The following ATP10D variants were observed in gnomAD, a reference collection of about 807,000 sequenced individuals.
The protein encoded by ATP10D is ATPase phospholipid transporting 10D (putative), also known as phospholipid-transporting ATPase VD.
Under a neutral mutation model 144.8 loss-of-function variants are expected in ATP10D, and 89 were observed. The ratio of observed to expected loss-of-function variants is 0.61; its 90% CI spans 0.52 to 0.73. The LOEUF is 0.73. Among genes scored for constraint, ATP10D ranks in the 30% least tolerant of loss-of-function variants. ATP10D has a pLI of 0.00. For missense variants in ATP10D, 1,603 were observed against 1,714.8 expected (o/e 0.93, Z 1.15); for synonymous variants, 571 against 615.1 (o/e 0.93, Z 1.06).
intron 5 of ATP10D, among the ~76,000 whole-genome samples, chr4:47,531,929 G>T (rs1717588312): frequency 6.6e-6 from 1 of 152,156 alleles, no homozygotes; most frequent in Non-Finnish European, 1.5e-5. Flanking sequence ...ACACTCTGTG[G>T]TCTGGAGCAT....
At chr4:47,506,080 T>C (rs1039835749) in intron 1 of ATP10D, among the ~76,000 whole-genome samples, 1 of 152,190 alleles carries the variant, frequency 6.6e-6, no homozygotes. Flanking sequence ...TAGTATCTTT[T>C]AGATACATTC....
intron 12 of ATP10D, 123 bp from the exon 13 acceptor site, chr4:47,558,800 A>T: frequency 1.3e-6 from 1 of 748,444 alleles, no homozygotes; most frequent in Non-Finnish European, 2.2e-6. Context: ...CCCATTTGGG[A>T]TTCAAAACCA....
chr4:47,522,848 C>T (rs562124918), intron 3 of ATP10D, among the ~76,000 whole-genome samples, 164 bp from the exon 4 acceptor site: 5 of 152,162 alleles, frequency 3.3e-5, no homozygotes, highest in South Asian at 2.1e-4. Context: ...GGATTACAGG[C>T]GTGAGCCAAC....
chr4:47,571,305 TTA>T (rs1171442440), intron 16 of ATP10D, among the ~76,000 whole-genome samples: 1 of 148,370 alleles, frequency 6.7e-6, no homozygotes, highest in Non-Finnish European at 1.5e-5. Context: ...ATCATATACA[TTA>T]TATATAATAC....
At position 47,528,886 on chromosome 4, in the gene ATP10D, T is replaced by C. The variant is rs532007698; in HGVS notation, c.776+3244T>C. On this transcript the variant is annotated intron_variant, in intron 5 of 22. Coordinates refer to ENST00000273859, the MANE Select transcript of ATP10D (RefSeq NM_020453.4). ...AGATGGTATCTCATTGTGGTTTTAA[T>C]TGGCATTTCTCTGATGACTCGTGAT... Among the ~76,000 whole-genome samples, 233 of 152,304 alleles carry C rather than the reference T, an allele frequency of 1.5e-3. 1 individual carries two copies. The highest frequency in any genetic ancestry group is 5.3e-3 in the African/African-American group (222 of 41,570).
intron 5 of ATP10D, among the ~76,000 whole-genome samples, chr4:47,531,598 A>C (rs1717573457): frequency 6.6e-6 from 1 of 152,188 alleles, no homozygotes; most frequent in Admixed American, 6.5e-5. Flanking sequence ...TTCCATGGAA[A>C]TTTTAGATGG....
At chr4:47,584,993 T>G (rs1028951801) in intron 21 of ATP10D, among the ~76,000 whole-genome samples, 1 of 152,302 alleles carries the variant, frequency 6.6e-6, no homozygotes, top group East Asian at 1.9e-4. Context: ...AAAAGCAGTG[T>G]TTCCCTAAAA....
At chr4:47,558,383 C>T (rs1719108118) in intron 12 of ATP10D, 110 bp downstream of exon 12, 1 of 1,426,810 alleles carries the variant, frequency 7.0e-7, no homozygotes, top group Non-Finnish European at 9.4e-7. Flanking sequence ...GGACTAATCA[C>T]ATTTGGTGAA....
chr4:47,558,965 A>T lies in ATP10D; in HGVS notation c.2477A>T (p.Lys826Ile), dbSNP rs1161836013. ...AAACAACAGATGATAGTAAGGGAGA[A>T]AACCCAGAAGCACTTGGATGACTAT... The part of the protein sequence containing the change: ...LEKQQMIVRE[K>I]TQKHLDDYAK... Residue 826 changes from lysine to isoleucine, a missense_variant, in exon 13 of 23, where the codon AAA (lysine) becomes ATA (isoleucine). Lys to Ile is a moderately radical substitution (Grantham distance 102). Coordinates refer to ENST00000273859, the MANE Select transcript of ATP10D (RefSeq NM_020453.4). 1.2e-6 allele frequency: 2 copies of T among 1,614,044 alleles called. No homozygotes were observed. The highest frequency in any genetic ancestry group is 1.7e-6 in the Non-Finnish European group (2 of 1,180,032).
intron 1 of ATP10D, among the ~76,000 whole-genome samples, chr4:47,505,969 A>G (rs1164903607): frequency 2.0e-5 from 3 of 152,140 alleles, no homozygotes; most frequent in Non-Finnish European, 4.4e-5. Flanking sequence ...ACCTTTGGTA[A>G]TCTGCCCTAC....
At chr4:47,511,895 G>A (rs906833025) in intron 1 of ATP10D, among the ~76,000 whole-genome samples, 1 of 152,202 alleles carries the variant, frequency 6.6e-6, no homozygotes, top group Non-Finnish European at 1.5e-5. Flanking sequence ...ATAAGCTCCA[G>A]TGAACAAGCA....
chr4:47,567,004 C>T lies in ATP10D; in HGVS notation c.2854-1833C>T, dbSNP rs188181015. Reference sequence around the variant, plus strand: ...AAACAGCAAAATCACTGACAAAAAGCAGAAAGATGCAAAAAATATGGCACC... The same window carrying T: ...AAACAGCAAAATCACTGACAAAAAGTAGAAAGATGCAAAAAATATGGCACC... On this transcript the variant is annotated intron_variant, in intron 15 of 22. Coordinates refer to ENST00000273859, the MANE Select transcript of ATP10D (RefSeq NM_020453.4). Among the ~76,000 whole-genome samples the T allele has an allele frequency of 5.9e-5, 9 of 151,626 alleles. No homozygotes were observed. The East Asian group carries it at 1.8e-3, about 30-fold the overall frequency.
chr4:47,547,525 T>C (rs201028222), intron 10 of ATP10D: 1 of 152,218 alleles, frequency 6.6e-6, no homozygotes, highest in Non-Finnish European at 1.5e-5. Flanking sequence ...TTAGAAATTT[T>C]TGCTGTATTT....
At chr4:47,590,997 G>T (rs746893655) in intron 22 of ATP10D, 45 bp from the exon 23 acceptor site, 6 of 1,219,960 alleles carry the variant, frequency 4.9e-6, no homozygotes, top group South Asian at 3.1e-5. Flanking sequence ...GTTCTGTAAT[G>T]CATTTGAGAT....
At chr4:47,549,762 C>A (rs1367921932) in intron 10 of ATP10D, among the ~76,000 whole-genome samples, 6 of 152,202 alleles carry the variant, frequency 3.9e-5, no homozygotes, top group South Asian at 2.1e-4. Context: ...TCAAGAAAGG[C>A]TGCCCGGAAG....
intron 10 of ATP10D, among the ~76,000 whole-genome samples, chr4:47,552,575 T>G (rs1352068300): frequency 6.6e-6 from 1 of 152,228 alleles, no homozygotes; most frequent in Non-Finnish European, 1.5e-5. Flanking sequence ...AGAGCCCTAC[T>G]TCCTAATACC....
intron 20 of ATP10D, among the ~76,000 whole-genome samples, chr4:47,581,522 G>A (rs1270153562): frequency 2.0e-5 from 3 of 152,178 alleles, no homozygotes; most frequent in Admixed American, 6.5e-5. Context: ...ATTCAGAATA[G>A]AATGAAGATG....
chr4:47,498,268 T>G (rs550346522), intron 1 of ATP10D, among the ~76,000 whole-genome samples: 6 of 152,366 alleles, frequency 3.9e-5, no homozygotes, highest in Non-Finnish European at 8.8e-5. Flanking sequence ...GCAGCAGCAT[T>G]TCTTGACATT....
chr4:47,535,094 A>G (rs965237008), intron 5 of ATP10D, among the ~76,000 whole-genome samples: 1 of 152,138 alleles, frequency 6.6e-6, no homozygotes. Flanking sequence ...GTTCTCACTT[A>G]TAAGTGGGAG....
Sources: allele counts gnomAD v4.1 joint callset (sites outside exome capture counted in the v4.1 genomes callset), GRCh38; gene constraint gnomAD v4.1.1; transcripts MANE v1.5; gene names NCBI Gene and HGNC (gene_info 2026-07-23, HGNC 2026-07-21).